FAM185A: variants seen among roughly 807,000 people sequenced by gnomAD.
FAM185A encodes the protein protein FAM185A.
FAM185A carries 21 observed loss-of-function variants against 45.7 expected under a neutral mutation model. That is an observed-to-expected ratio of 0.46 (90% confidence interval 0.33 to 0.66). The LOEUF (loss-of-function observed/expected upper bound fraction) is 0.66. Among genes scored for constraint, FAM185A ranks in the 30% least tolerant of loss-of-function variants. The pLI is 0.03. For missense variants in FAM185A, 305 were observed against 485.4 expected, an observed-to-expected ratio of 0.63 and a Z score of 3.49; for synonymous variants, 117 against 194.0, an observed-to-expected ratio of 0.60 and a Z score of 3.30.
At chr7:102,784,783 T>C (rs1461002793) in intron 6 of FAM185A, among the ~76,000 whole-genome samples, 1 of 152,226 alleles carries the variant, frequency 6.6e-6, no homozygotes, top group Non-Finnish European at 1.5e-5. Flanking sequence ...AAGACAGGGA[T>C]GCCCTCTCTC....
chr7:102,778,385 G>A (rs1363674248), intron 6 of FAM185A, among the ~76,000 whole-genome samples: 1 of 152,292 alleles, frequency 6.6e-6, no homozygotes. Flanking sequence ...TAAATGGCAT[G>A]TAAGTCATAT....
chr7:102,794,211 GT>G (rs1165747002), intron 7 of FAM185A, among the ~76,000 whole-genome samples: 2 of 151,960 alleles, frequency 1.3e-5, no homozygotes, highest in African/African-American at 4.8e-5. Context: ...TGCCTGTGGG[GT>G]TTTGTTTTAT....
At chr7:102,760,435 C>T (rs1794042503) in intron 3 of FAM185A, among the ~76,000 whole-genome samples, 1 of 149,716 alleles carries the variant, frequency 6.7e-6, no homozygotes, top group Admixed American at 6.6e-5. Context: ...ATAGTGTATT[C>T]ACTAATTAAT....
intron 4 of FAM185A, among the ~76,000 whole-genome samples, chr7:102,768,697 A>AT (rs570652421): frequency 3.3e-5 from 5 of 150,488 alleles, no homozygotes; most frequent in East Asian, 3.9e-4. Flanking sequence ...AATTGATTAC[A>AT]TTTTTTTTTC....
intron 2 of FAM185A, among the ~76,000 whole-genome samples, chr7:102,754,401 A>C (rs1445266395): frequency 1.3e-5 from 2 of 152,174 alleles, no homozygotes; most frequent in Non-Finnish European, 2.9e-5. Context: ...GCTTGTCTTG[A>C]ACTCCTTTCC....
chr7:102,782,342 T>C (rs956430453), intron 6 of FAM185A, among the ~76,000 whole-genome samples: 14 of 151,932 alleles, frequency 9.2e-5, no homozygotes, highest in Non-Finnish European at 1.9e-4. Context: ...CCAAGACACA[T>C]AATTGTCAGA....
intron 6 of FAM185A, among the ~76,000 whole-genome samples, chr7:102,778,057 C>T (rs1297056334): frequency 6.6e-6 from 1 of 152,170 alleles, no homozygotes; most frequent in East Asian, 1.9e-4. Flanking sequence ...AACTGTAGCT[C>T]TGTATAAAAA....
At chr7:102,785,711 T>G (rs1296223899) in intron 6 of FAM185A, among the ~76,000 whole-genome samples, 2 of 152,044 alleles carry the variant, frequency 1.3e-5, no homozygotes, top group Admixed American at 6.5e-5. Flanking sequence ...ACGTTAGACC[T>G]AAAACCATAA....
At chr7:102,801,743 G>T (rs2129443793) in intron 7 of FAM185A, among the ~76,000 whole-genome samples, 1 of 152,146 alleles carries the variant, frequency 6.6e-6, no homozygotes, top group East Asian at 1.9e-4. Context: ...TGGCCAATAT[G>T]GTGAAACCCT....
rs1793853500 is a variant in FAM185A, at chr7:102,757,834, T to C, written c.562-20T>C. ...CTTACTCTCTTTTTCACTATATGTA[T>C]TTTTAAATTTGTCTTTCAGGGTCAA... is the stretch of plus-strand genomic sequence containing the variant. On this transcript the variant is annotated intron_variant, in intron 2 of 7. Coordinates refer to ENST00000413034, the MANE Select transcript of FAM185A (RefSeq NM_001145268.2). 6.6e-7 allele frequency: 1 copy of C among 1,522,178 alleles called. No individual in the cohort carries two copies. Among genetic ancestry groups the C allele is most frequent in the African/African-American group, 1.4e-5 (1 of 71,786 alleles). 94.3% of individuals were successfully genotyped at this position (1,522,178 alleles called of 1,614,324 possible).
intron 6 of FAM185A, among the ~76,000 whole-genome samples, chr7:102,786,763 G>T (rs1795826040): frequency 6.6e-6 from 1 of 151,768 alleles, no homozygotes; most frequent in South Asian, 2.1e-4. Flanking sequence ...CACCAACATG[G>T]CACATGTATA....
rs560560273 is a variant in FAM185A at position 102,807,312 on chromosome 7, C to T, written c.1067-978C>T. 2.0e-5 allele frequency among the ~76,000 whole-genome samples: 3 copies of T among 152,130 alleles called. No individual in the cohort carries two copies. The East Asian group carries it at 5.8e-4, about 29-fold the overall frequency. On this transcript the variant is annotated intron_variant, in intron 7 of 7. Transcript: ENST00000413034. ...AGGAAATATGGTTCACAGATTTTTA[C>T]CTATGTCAAAACTTACTACATTGTA... is the stretch of plus-strand genomic sequence containing the variant.
chr7:102,840,280 C>T, the FAM185A span, among the ~76,000 whole-genome samples: 40 of 152,214 alleles, frequency 2.6e-4, no homozygotes, highest in Non-Finnish European at 5.0e-4. Context: ...ATTTTCTCTC[C>T]AAAATAAAAA....
intron 3 of FAM185A, 136 bp from the exon 4 acceptor site, chr7:102,761,137 G>A: frequency 1.4e-6 from 1 of 727,686 alleles, no homozygotes; most frequent in Non-Finnish European, 2.1e-6. Flanking sequence ...ATTAGAGGTA[G>A]GGAATCAGAG....
chr7:102,770,534 G>A (rs1205945094), intron 4 of FAM185A, among the ~76,000 whole-genome samples: 2 of 150,922 alleles, frequency 1.3e-5, no homozygotes, highest in East Asian at 1.9e-4. Context: ...TATTAAAAAT[G>A]AGCAAAAGAC....
chr7:102,780,008 G>T (rs1795308374), intron 6 of FAM185A, among the ~76,000 whole-genome samples: 3 of 151,988 alleles, frequency 2.0e-5, no homozygotes, highest in African/African-American at 7.3e-5. Context: ...ACTGTGCCTG[G>T]CTGCAATTTA....
chr7:102,821,897 T>TTAG, the FAM185A span: 2 of 888,750 alleles, frequency 2.3e-6, no homozygotes, highest in Non-Finnish European at 3.4e-6. Context: ...ACTCACAATG[T>TTAG]TAGCTTCAAT....
the FAM185A span, among the ~76,000 whole-genome samples, chr7:102,834,311 T>G: frequency 6.7e-6 from 1 of 149,192 alleles, no homozygotes; most frequent in African/African-American, 2.4e-5. Flanking sequence ...TACCATTAAT[T>G]TTAGTTGTAA....
chr7:102,760,961 T>C (rs1300546159), intron 3 of FAM185A, among the ~76,000 whole-genome samples: 6 of 152,194 alleles, frequency 3.9e-5, no homozygotes, highest in Non-Finnish European at 7.4e-5. Flanking sequence ...CCTTGTACAA[T>C]AGCACTTAAA....
Sources: gnomAD v4.1 joint callset for allele counts (sites outside exome capture counted in the v4.1 genomes callset) on GRCh38, gnomAD v4.1.1 for gene constraint, MANE v1.5 for transcripts, NCBI Gene and HGNC (gene_info 2026-07-23, HGNC 2026-07-21) for gene names.